IKZF3: variants seen among roughly 807,000 people sequenced by gnomAD.
The protein encoded by IKZF3 is zinc finger protein Aiolos.
A neutral mutation model predicts 49.0 loss-of-function variants in IKZF3; 10 were observed. That is an observed-to-expected ratio of 0.20 (90% confidence interval 0.13 to 0.35). The LOEUF is 0.35. Ranked by LOEUF, IKZF3 falls within the 10% of genes least tolerant of loss-of-function variation. The probability of loss-of-function intolerance (pLI) is 1.00; values close to 1 mark genes in which losing one functional copy is unlikely to be tolerated. For missense variants in IKZF3, 498 were observed against 664.8 expected (o/e 0.75, Z 2.76); for synonymous variants, 209 against 228.2 (o/e 0.92, Z 0.76).
At chr17:39,816,862 C>CCT (rs1568015155) in intron 3 of IKZF3, among the ~76,000 whole-genome samples, 3 of 152,028 alleles carry the variant, frequency 2.0e-5, no homozygotes, top group Non-Finnish European at 4.4e-5. Context: ...TACAGGCATG[C>CCT]GCCACCACGC....
chr17:39,842,420 T>A (rs1294690887), intron 1 of IKZF3, among the ~76,000 whole-genome samples: 1 of 152,178 alleles, frequency 6.6e-6, no homozygotes, highest in Non-Finnish European at 1.5e-5. Context: ...TACTAGCTAC[T>A]GGGGTGGCTA....
At chr17:39,845,541 A>G (rs2062607025) in intron 1 of IKZF3, among the ~76,000 whole-genome samples, 1 of 152,026 alleles carries the variant, frequency 6.6e-6, no homozygotes. Flanking sequence ...GAAAAAAAAA[A>G]AAAAAGGTTT....
At chr17:39,820,151 A>G (rs993005493) in intron 3 of IKZF3, among the ~76,000 whole-genome samples, 1 of 152,242 alleles carries the variant, frequency 6.6e-6, no homozygotes, top group African/African-American at 2.4e-5. Context: ...GAAGGCTGGA[A>G]GGAGAGTAGA....
chr17:39,828,938 T>G (rs551661157), intron 3 of IKZF3, among the ~76,000 whole-genome samples: 1 of 151,916 alleles, frequency 6.6e-6, no homozygotes, highest in East Asian at 1.9e-4. Context: ...GAGGCGGAGG[T>G]TGCAGTGAGC....
In IKZF3 at chr17:39,758,476, G is replaced by A. The variant is rs532976878; in HGVS notation, c.*7314C>T. Reference sequence around the variant, plus strand: ...TTTTCAAGAGAGGAAGAAGCAAAGCGGCACTTACAGAGTGTGAGATAGACA... The same window carrying A: ...TTTTCAAGAGAGGAAGAAGCAAAGCAGCACTTACAGAGTGTGAGATAGACA... On this transcript the variant is annotated 3_prime_UTR_variant, in exon 8 of 8. Transcript: ENST00000346872. 9.9e-5 allele frequency: 15 copies of A among 152,274 alleles called. No homozygotes were observed. Among genetic ancestry groups the A allele is most frequent in the African/African-American group, 1.4e-4 (6 of 41,528 alleles). 9.4% of individuals were successfully genotyped at this position (152,274 alleles called of 1,614,324 possible).
At chr17:39,792,262 T>C (rs962855624) in intron 4 of IKZF3, among the ~76,000 whole-genome samples, 2 of 152,194 alleles carry the variant, frequency 1.3e-5, no homozygotes, top group African/African-American at 4.8e-5. Flanking sequence ...GATACATTAT[T>C]TTAAGCTGGA....
At chr17:39,841,178 C>G (rs1303444373) in intron 1 of IKZF3, among the ~76,000 whole-genome samples, 1 of 133,624 alleles carries the variant, frequency 7.5e-6, no homozygotes, top group Admixed American at 7.4e-5. Context: ...CTGTCTGGAA[C>G]AAAAAAAAAA....
chr17:39,860,848 T>C (rs903179150), intron 1 of IKZF3, among the ~76,000 whole-genome samples: 2 of 152,190 alleles, frequency 1.3e-5, no homozygotes, highest in Admixed American at 1.3e-4. Context: ...GTAAGAAACC[T>C]GCACATGTAC....
At chr17:39,766,583 G>T in intron 7 of IKZF3, 90 bp from the exon 8 acceptor site, 1 of 1,089,892 alleles carries the variant, frequency 9.2e-7, no homozygotes, top group Non-Finnish European at 1.3e-6. Context: ...AAAGGGAGGA[G>T]AGTTAAGTTG....
intron 1 of IKZF3, among the ~76,000 whole-genome samples, chr17:39,857,080 C>A (rs911046912): frequency 6.6e-6 from 1 of 152,090 alleles, no homozygotes; most frequent in East Asian, 1.9e-4. Context: ...GCATATAAAT[C>A]AACTATTAGT....
intron 3 of IKZF3, among the ~76,000 whole-genome samples, chr17:39,799,838 A>G (rs2061272815): frequency 1.3e-5 from 2 of 152,134 alleles, no homozygotes; most frequent in Non-Finnish European, 2.9e-5. Flanking sequence ...CCTTAACTAG[A>G]AAAAAAATTA....
At chr17:39,787,407 C>T (rs2060898676) in intron 6 of IKZF3, among the ~76,000 whole-genome samples, 1 of 152,230 alleles carries the variant, frequency 6.6e-6, no homozygotes, top group Admixed American at 6.5e-5. Flanking sequence ...AGAAGCATCA[C>T]AATAAATCAT....
rs111350959 is a variant in IKZF3, at chr17:39,816,905, G to A, written c.163+12482C>T. On this transcript the variant is annotated intron_variant, in intron 3 of 7. Coordinates refer to ENST00000346872, the MANE Select transcript of IKZF3 (RefSeq NM_012481.5). ...ATTTTTGTATTTTTAGTAGAGACGG[G>A]GTTTCACCATGTTGGCCAGGCTGGC... Among the ~76,000 whole-genome samples, 420 of 152,244 alleles carry A rather than the reference G, an allele frequency of 2.8e-3. 6 individuals carry two copies. Among genetic ancestry groups the A allele is most frequent in the African/African-American group, 9.7e-3 (403 of 41,550 alleles).
intron 1 of IKZF3, among the ~76,000 whole-genome samples, chr17:39,850,141 A>C (rs1016263303): frequency 4.2e-5 from 6 of 143,014 alleles, no homozygotes; most frequent in South Asian, 4.2e-4. Context: ...ACTATATAGC[A>C]TATTATATAT....
chr17:39,837,628 T>A (rs2062333404), intron 1 of IKZF3, among the ~76,000 whole-genome samples: 1 of 151,628 alleles, frequency 6.6e-6, no homozygotes, highest in Non-Finnish European at 1.5e-5. Flanking sequence ...TCTTCTGTCT[T>A]CTATTGTTTC....
At chr17:39,775,357 A>G (rs369418141) in intron 7 of IKZF3, among the ~76,000 whole-genome samples, 2 of 152,232 alleles carry the variant, frequency 1.3e-5, no homozygotes, top group South Asian at 4.1e-4. Context: ...CAAGATCAGC[A>G]TCTCTCACAA....
At chr17:39,789,112 C>G (rs771498097) in intron 5 of IKZF3, among the ~76,000 whole-genome samples, 1 of 152,004 alleles carries the variant, frequency 6.6e-6, no homozygotes, top group African/African-American at 2.4e-5. Flanking sequence ...CCATTGCACC[C>G]GGCCAGGATA....
At chr17:39,845,306 A>G (rs67600807) in intron 1 of IKZF3, among the ~76,000 whole-genome samples, 14,104 of 151,964 alleles carry the variant, frequency 0.093, 1,346 homozygotes, top group African/African-American at 0.25. Flanking sequence ...TGGATCACTT[A>G]GTCAGGAGGT....
At chr17:39,835,965 G>A (rs1043143511) in intron 1 of IKZF3, 11 of 636,158 alleles carry the variant, frequency 1.7e-5, no homozygotes, top group African/African-American at 3.7e-5. Flanking sequence ...CAGCTGCCAC[G>A]GAGGTTTGTT....
Sources: gnomAD v4.1 joint callset for allele counts (sites outside exome capture counted in the v4.1 genomes callset) on GRCh38, gnomAD v4.1.1 for gene constraint, MANE v1.5 for transcripts, NCBI Gene and HGNC (gene_info 2026-07-23, HGNC 2026-07-21) for gene names.